Variants in ABI3BP observed in about 807,000 individuals in gnomAD.
ABI3BP encodes target of Nesh-SH3.
A neutral mutation model predicts 268.6 loss-of-function variants in ABI3BP; 216 were observed. That is an observed-to-expected ratio of 0.80 (90% confidence interval 0.72 to 0.90). The LOEUF is 0.90. Among genes scored for constraint, ABI3BP ranks in the 40% least tolerant of loss-of-function variants. The pLI is 0.00. For missense variants in ABI3BP, 2,090 were observed against 2,182.4 expected (o/e 0.96, Z 0.84); for synonymous variants, 730 against 730.0 (o/e 1.00, Z 0.00).
chr3:100,921,508 A>T (rs1475897418), intron 2 of ABI3BP, among the ~76,000 whole-genome samples: 4 of 152,116 alleles, frequency 2.6e-5, no homozygotes, highest in South Asian at 4.2e-4. Flanking sequence ...AACATTCATG[A>T]TGTGAGTAAA....
At chr3:100,836,982 C>A (rs1012196589) in intron 27 of ABI3BP, 142 bp downstream of exon 27, 5 of 701,396 alleles carry the variant, frequency 7.1e-6, no homozygotes, top group Non-Finnish European at 1.1e-5. Flanking sequence ...GTTAAAAAGG[C>A]CCCTGTTGAA....
At chr3:100,847,548 G>T in intron 19 of ABI3BP, 54 bp downstream of exon 19, 1 of 1,472,524 alleles carries the variant, frequency 6.8e-7, no homozygotes, top group South Asian at 1.1e-5. Context: ...TGGGGTACTG[G>T]ATTTTCCATG....
chr3:100,829,530 T>C, intron 33 of ABI3BP, 51 bp downstream of exon 33: 1 of 1,455,062 alleles, frequency 6.9e-7, no homozygotes, highest in East Asian at 2.5e-5. Context: ...TCTCTTTGGG[T>C]CCCACTGGGG....
At chr3:100,907,775 ATAAT>A (rs2054127866) in intron 2 of ABI3BP, among the ~76,000 whole-genome samples, 1 of 151,446 alleles carries the variant, frequency 6.6e-6, no homozygotes, top group African/African-American at 2.5e-5. Context: ...ACATAATACA[ATAAT>A]AAATTATTAC....
At chr3:100,979,167 A>G (rs1183056962) in intron 1 of ABI3BP, among the ~76,000 whole-genome samples, 1 of 152,226 alleles carries the variant, frequency 6.6e-6, no homozygotes, top group Non-Finnish European at 1.5e-5. Flanking sequence ...TTGCTAAGCT[A>G]GAGGACCACT....
chr3:100,769,280 C>T (rs2096459579), intron 62 of ABI3BP, among the ~76,000 whole-genome samples: 1 of 152,154 alleles, frequency 6.6e-6, no homozygotes, highest in Non-Finnish European at 1.5e-5. Context: ...GAGATGTGAT[C>T]CTTGTCCACA....
At chr3:100,964,955 A>C (rs1364663832) in intron 1 of ABI3BP, among the ~76,000 whole-genome samples, 1 of 152,254 alleles carries the variant, frequency 6.6e-6, no homozygotes, top group Non-Finnish European at 1.5e-5. Flanking sequence ...TTAAAGTGTA[A>C]AGACTCATAA....
intron 2 of ABI3BP, among the ~76,000 whole-genome samples, chr3:100,908,596 G>C (rs544799653): frequency 7.4e-5 from 11 of 149,118 alleles, no homozygotes; most frequent in African/African-American, 2.5e-4. Context: ...AATCACAAGC[G>C]TTCTTATACA....
intron 62 of ABI3BP, 101 bp downstream of exon 62, chr3:100,770,642 A>G: frequency 8.7e-7 from 1 of 1,149,526 alleles, no homozygotes; most frequent in Non-Finnish European, 1.2e-6. Context: ...TCTCCTCCCC[A>G]GGTATGCTTC....
In ABI3BP at chr3:100,911,067, A is replaced by AT. The variant is rs2056238297; in HGVS notation, c.260-8382_260-8381insA. 4.1e-5 allele frequency: 9 copies of AT among 222,208 alleles called. No individual in the cohort carries two copies. The South Asian group carries it at 7.1e-4, about 17-fold the overall frequency. 13.8% of individuals were successfully genotyped at this position (222,208 alleles called of 1,614,324 possible). A position where few individuals can be genotyped will look rare whatever the true frequency, so the allele number is the denominator to read the frequency against. On this transcript the variant is annotated intron_variant, in intron 2 of 67. Transcript: ENST00000471714. ...TTGTAGATGCTTTTTCTTGGTTACT[A>AT]CTATCAGTATCTGTTTTACATGGTT...
intron 1 of ABI3BP, among the ~76,000 whole-genome samples, chr3:100,929,377 T>C (rs1247717982): frequency 1.3e-5 from 2 of 152,020 alleles, no homozygotes; most frequent in African/African-American, 4.8e-5. Flanking sequence ...CACAGGACTT[T>C]TCATGACTCC....
chr3:100,880,269 C>T (rs1360488806), intron 6 of ABI3BP, among the ~76,000 whole-genome samples: 1 of 152,134 alleles, frequency 6.6e-6, no homozygotes, highest in Non-Finnish European at 1.5e-5. Context: ...CTGCTGTCCT[C>T]AGACACCACT....
intron 2 of ABI3BP, among the ~76,000 whole-genome samples, chr3:100,922,886 A>T (rs530844925): frequency 6.6e-6 from 1 of 152,348 alleles, no homozygotes; most frequent in South Asian, 2.1e-4. Flanking sequence ...ATCAATTAGG[A>T]GCAATTAATG....
chr3:100,796,053 T>C lies in ABI3BP; in HGVS notation c.3818-202A>G, dbSNP rs573294841. 2.0e-5 allele frequency among the ~76,000 whole-genome samples: 3 copies of C among 152,244 alleles called. No homozygotes were observed. In the East Asian group the frequency reaches 5.8e-4, roughly 29 times the overall value. ...AAAACTTTGAAGTTCTCATTCACTG[T>C]CACTTTGGGGAAAATTTCGAGTAGG... is the stretch of plus-strand genomic sequence containing the variant. On this transcript the variant is annotated intron_variant, in intron 52 of 67. Transcript: ENST00000471714.
intron 37 of ABI3BP, 93 bp downstream of exon 37, chr3:100,823,365 C>G: frequency 1.8e-6 from 2 of 1,131,058 alleles, no homozygotes; most frequent in South Asian, 3.1e-5. Flanking sequence ...GAATGGCCAT[C>G]AAGAATGACA....
chr3:100,857,094 CT>C (rs562339125), intron 14 of ABI3BP, among the ~76,000 whole-genome samples: 3 of 151,968 alleles, frequency 2.0e-5, no homozygotes, highest in Non-Finnish European at 4.4e-5. Flanking sequence ...CATTCTCAAA[CT>C]TTTTTTTACA....
chr3:100,813,667 G>T lies in ABI3BP; in HGVS notation c.3358C>A (p.Gln1120Lys). The change falls in exon 45 of 68, where the codon CAA (glutamine) becomes AAA (lysine). Residue 1120 changes from glutamine to lysine, a missense_variant. Gln to Lys is a moderately conservative substitution (Grantham distance 53). Transcript: ENST00000471714. ...TSPSLEMTES[Q>K]PVSDVLESVT... ...GATAAAACAATCTATTTACCAGGTT[G>T]ACTTTCTGTCATTTCTAGGCTTGGT... The T allele has an allele frequency of 1.3e-6, 2 of 1,534,714 alleles. No homozygotes were observed. Among genetic ancestry groups the T allele is most frequent in the South Asian group, 2.4e-5 (2 of 83,978 alleles).
intron 6 of ABI3BP, 105 bp from the exon 7 acceptor site, chr3:100,876,665 G>T: frequency 1.0e-6 from 1 of 995,472 alleles, no homozygotes; most frequent in Non-Finnish European, 1.6e-6. Flanking sequence ...CTTCAATGAA[G>T]TCTCCTGTGA....
At chr3:100,756,177 G>T (rs1202074867) in intron 63 of ABI3BP, among the ~76,000 whole-genome samples, 4 of 152,198 alleles carry the variant, frequency 2.6e-5, no homozygotes, top group Non-Finnish European at 5.9e-5. Context: ...CTAATTTTCA[G>T]CTGAGAGCAA....
Sources: gnomAD v4.1 joint callset for allele counts (sites outside exome capture counted in the v4.1 genomes callset) on GRCh38, gnomAD v4.1.1 for gene constraint, MANE v1.5 for transcripts, NCBI Gene and HGNC (gene_info 2026-07-23, HGNC 2026-07-21) for gene names.